KCNQ3: variants seen among roughly 807,000 people sequenced by gnomAD.
KCNQ3 encodes the protein potassium voltage-gated channel subfamily Q member 3.
A neutral mutation model predicts 92.5 loss-of-function variants in KCNQ3; 30 were observed. The ratio of observed to expected loss-of-function variants is 0.32; its 90% CI spans 0.24 to 0.44. The LOEUF (loss-of-function observed/expected upper bound fraction) is 0.44, where lower values mean the gene tolerates loss of function less well. Ranked by LOEUF, KCNQ3 falls within the 20% of genes least tolerant of loss-of-function variation. The pLI, the probability that KCNQ3 is intolerant of heterozygous loss-of-function variation, is 1.00. For synonymous variants in KCNQ3, 450 were observed against 468.8 expected (o/e 0.96, Z 0.52); for missense variants, 913 against 1,140.3 (o/e 0.80, Z 2.87).
chr8:132,169,733 G>A (rs1293918756), intron 8 of KCNQ3, among the ~76,000 whole-genome samples: 1 of 152,216 alleles, frequency 6.6e-6, no homozygotes, highest in East Asian at 1.9e-4. Context: ...GGCTAACTGG[G>A]AAGCCCTGGC....
chr8:132,332,453 C>A (rs150113398), intron 1 of KCNQ3, among the ~76,000 whole-genome samples: 1 of 152,226 alleles, frequency 6.6e-6, no homozygotes, highest in Non-Finnish European at 1.5e-5. Context: ...AACTGTGCCA[C>A]CTCTACCCCG....
intron 1 of KCNQ3, among the ~76,000 whole-genome samples, chr8:132,355,584 A>G (rs1781067988): frequency 6.6e-6 from 1 of 152,130 alleles, no homozygotes; most frequent in Admixed American, 6.5e-5. Context: ...TCAGTCTGGT[A>G]GCAATCGTGT....
intron 1 of KCNQ3, among the ~76,000 whole-genome samples, chr8:132,370,870 T>C (rs2130737609): frequency 6.6e-6 from 1 of 152,314 alleles, no homozygotes; most frequent in African/African-American, 2.4e-5. Flanking sequence ...TACTTACCAG[T>C]ACCCAGTGAA....
chr8:132,156,571 C>T, intron 9 of KCNQ3, among the ~76,000 whole-genome samples: 1 of 152,052 alleles, frequency 6.6e-6, no homozygotes, highest in East Asian at 1.9e-4. Context: ...CCCTAGTATC[C>T]CCAGTGGTGT....
chr8:132,280,151 G>A (rs1225530565), intron 1 of KCNQ3, among the ~76,000 whole-genome samples: 1 of 152,158 alleles, frequency 6.6e-6, no homozygotes, highest in Non-Finnish European at 1.5e-5. Flanking sequence ...TACTCAAGAT[G>A]ATTTCAGAGA....
intron 1 of KCNQ3, among the ~76,000 whole-genome samples, chr8:132,361,627 A>G (rs1819174455): frequency 6.6e-6 from 1 of 152,204 alleles, no homozygotes; most frequent in African/African-American, 2.4e-5. Context: ...AGGTTAAAAG[A>G]AATGTAAAAG....
At chr8:132,253,611 T>C (rs1815486424) in intron 1 of KCNQ3, among the ~76,000 whole-genome samples, 1 of 152,214 alleles carries the variant, frequency 6.6e-6, no homozygotes, top group South Asian at 2.1e-4. Context: ...TGTTTGCATT[T>C]TCCCTCTGCT....
chr8:132,397,752 A>G (rs916412947), intron 1 of KCNQ3, among the ~76,000 whole-genome samples: 1 of 152,174 alleles, frequency 6.6e-6, no homozygotes, highest in African/African-American at 2.4e-5. Context: ...AGACTAAAAA[A>G]AGTTCCCAGA....
intron 1 of KCNQ3, among the ~76,000 whole-genome samples, chr8:132,258,930 C>T (rs1236247589): frequency 6.6e-6 from 1 of 151,964 alleles, no homozygotes; most frequent in Non-Finnish European, 1.5e-5. Flanking sequence ...TCTAGGAAGA[C>T]ACAAAGTATT....
chr8:132,374,799 T>G (rs1819566843), intron 1 of KCNQ3, among the ~76,000 whole-genome samples: 5 of 152,030 alleles, frequency 3.3e-5, no homozygotes, highest in Admixed American at 6.6e-5. Flanking sequence ...GTTCCTGGGT[T>G]AGTTTGCTGA....
intron 1 of KCNQ3, among the ~76,000 whole-genome samples, chr8:132,442,929 C>T (rs1002912398): frequency 6.6e-6 from 1 of 152,210 alleles, no homozygotes; most frequent in East Asian, 1.9e-4. Flanking sequence ...CTATGCAACA[C>T]CCTCTCCCCG....
At chr8:132,222,947 G>A (rs1376143960) in intron 1 of KCNQ3, among the ~76,000 whole-genome samples, 1 of 152,198 alleles carries the variant, frequency 6.6e-6, no homozygotes, top group Non-Finnish European at 1.5e-5. Context: ...AAATCCAGGG[G>A]AGCAAGAATG....
intron 1 of KCNQ3, among the ~76,000 whole-genome samples, chr8:132,281,765 C>A (rs1347967223): frequency 1.3e-5 from 2 of 152,116 alleles, no homozygotes; most frequent in African/African-American, 4.8e-5. Context: ...AAGTGAGGTT[C>A]ATGTAGACCT....
intron 1 of KCNQ3, among the ~76,000 whole-genome samples, chr8:132,248,675 G>A (rs567171673): frequency 6.6e-6 from 1 of 152,222 alleles, no homozygotes; most frequent in East Asian, 1.9e-4. Flanking sequence ...GTTCACCTGG[G>A]GCTGCACCTC....
intron 1 of KCNQ3, among the ~76,000 whole-genome samples, chr8:132,419,159 C>G (rs1179445060): frequency 1.3e-5 from 2 of 152,204 alleles, no homozygotes; most frequent in African/African-American, 4.8e-5. Flanking sequence ...TAAGGCATGG[C>G]AGCACTCTTT....
chr8:132,338,227 T>G (rs969622679), intron 1 of KCNQ3, among the ~76,000 whole-genome samples: 1 of 152,172 alleles, frequency 6.6e-6, no homozygotes, highest in African/African-American at 2.4e-5. Flanking sequence ...GTGAGGAGGC[T>G]TAGGCATGGC....
At chr8:132,241,326 T>C (rs1049999703) in intron 1 of KCNQ3, among the ~76,000 whole-genome samples, 12 of 152,206 alleles carry the variant, frequency 7.9e-5, no homozygotes, top group African/African-American at 2.7e-4. Context: ...TTGAGTACAA[T>C]GTAAAATTCC....
chr8:132,469,414 T>C (rs1342904202), intron 1 of KCNQ3, among the ~76,000 whole-genome samples: 1 of 152,196 alleles, frequency 6.6e-6, no homozygotes, highest in African/African-American at 2.4e-5. Context: ...GCAGCAGGTA[T>C]TGCGATGCCC....
At chr8:132,228,357 T>C (rs1028134863) in intron 1 of KCNQ3, among the ~76,000 whole-genome samples, 16 of 152,084 alleles carry the variant, frequency 1.1e-4, no homozygotes, top group Admixed American at 7.2e-4. Context: ...CATCTATCCA[T>C]TCACTGAGTT....
Sources: allele counts gnomAD v4.1 joint callset (sites outside exome capture counted in the v4.1 genomes callset), GRCh38; gene constraint gnomAD v4.1.1; transcripts MANE v1.5; gene names NCBI Gene and HGNC (gene_info 2026-07-23, HGNC 2026-07-21).